TRMO: variants seen among roughly 807,000 people sequenced by gnomAD.
TRMO encodes the protein tRNA methyltransferase O.
In TRMO, 30 loss-of-function variants were observed where a neutral mutation model predicts 37.2. The observed-to-expected ratio is 0.81, with a 90% CI of 0.60 to 1.09. The LOEUF (loss-of-function observed/expected upper bound fraction) is 1.09. Among genes scored for constraint, TRMO ranks in the 50% least tolerant of loss-of-function variants. TRMO has a pLI of 0.00. For missense variants in TRMO, 552 were observed against 549.5 expected (o/e 1.00, Z -0.05); for synonymous variants, 239 against 199.4 (o/e 1.20, Z -1.67).
At chr9:97,913,987 G>A (rs1564110698) in intron 2 of TRMO, 1 of 154,272 alleles carries the variant, frequency 6.5e-6, no homozygotes, top group Non-Finnish European at 1.4e-5. Flanking sequence ...ACCTTTACCA[G>A]ACCTTCCTTT....
rs556702918 is a variant in TRMO, at chr9:97,908,183, C to T, written c.1066+1777G>A. On this transcript the variant is annotated intron_variant, in intron 4 of 4. Transcript: ENST00000375119. ...ATCTGGACACTTTGGGAGGCCAAGGCGGGGGAATCACAAGGTCAGGAGATC... is the reference window on the plus strand; with the variant it reads ...ATCTGGACACTTTGGGAGGCCAAGGTGGGGGAATCACAAGGTCAGGAGATC... Among the ~76,000 whole-genome samples, 10 of 152,146 alleles carry T rather than the reference C, an allele frequency of 6.6e-5. No individual in the cohort carries two copies. The East Asian group carries it at 1.7e-3, about 27-fold the overall frequency.
At chr9:97,917,075 GC>G (rs1381968668) in intron 1 of TRMO, among the ~76,000 whole-genome samples, 1 of 152,118 alleles carries the variant, frequency 6.6e-6, no homozygotes, top group Non-Finnish European at 1.5e-5. Flanking sequence ...ATAGGCGTGA[GC>G]CATAGTGCTT....
At position 97,910,198 on chromosome 9, in the gene TRMO, T is replaced by C; in HGVS notation, c.828A>G (p.Pro276=). Reference sequence around the variant, plus strand: ...TACCTTTCTCTGAAAAGCTCTTCTCTGGGCAATATGGGCCAATTTGTTCTT... The same window carrying C: ...TACCTTTCTCTGAAAAGCTCTTCTCCGGGCAATATGGGCCAATTTGTTCTT... ...VAEEQIGPYC[P]EKSFSEKGTD... The change falls in exon 4 of 5, where the codon CCA becomes CCG. Residue 276 remains proline (P), a synonymous_variant. Transcript: ENST00000375119. 1.9e-6 allele frequency: 3 copies of C among 1,614,238 alleles called. No individual in the cohort carries two copies. Among genetic ancestry groups the C allele is most frequent in the South Asian group, 2.2e-5 (2 of 91,080 alleles).
At chr9:97,898,318 A>T in the TRMO span, among the ~76,000 whole-genome samples, 1 of 152,138 alleles carries the variant, frequency 6.6e-6, no homozygotes. Context: ...TTTATGACTT[A>T]CCTAGATCAG....
chr9:97,911,484 CT>C (rs1826123156), intron 3 of TRMO: 1 of 152,384 alleles, frequency 6.6e-6, no homozygotes, highest in South Asian at 2.1e-4. Flanking sequence ...ATGGTCAAGC[CT>C]CCAGATAAGA....
intron 1 of TRMO, among the ~76,000 whole-genome samples, chr9:97,918,249 G>A (rs1382086769): frequency 6.6e-6 from 1 of 150,926 alleles, no homozygotes; most frequent in Non-Finnish European, 1.5e-5. Context: ...TAATTAGCCA[G>A]GCATGGTGGT....
intron 2 of TRMO, among the ~76,000 whole-genome samples, chr9:97,915,198 C>T (rs781143069): frequency 8.5e-5 from 13 of 152,264 alleles, no homozygotes; most frequent in Non-Finnish European, 1.6e-4. Flanking sequence ...ACAAACAATG[C>T]TAGTATAACA....
chr9:97,920,737 CCTGTA>C (rs1826587513), intron 1 of TRMO, among the ~76,000 whole-genome samples: 1 of 152,196 alleles, frequency 6.6e-6, no homozygotes, highest in Non-Finnish European at 1.5e-5. Flanking sequence ...TTCATTTCCA[CCTGTA>C]CTATTAAATT....
At chr9:97,908,203 G>C (rs1825942187) in intron 4 of TRMO, among the ~76,000 whole-genome samples, 1 of 152,126 alleles carries the variant, frequency 6.6e-6, no homozygotes, top group African/African-American at 2.4e-5. Flanking sequence ...ACAAGGTCAG[G>C]AGATCGAGAC....
the TRMO span, among the ~76,000 whole-genome samples, chr9:97,899,448 AT>A: frequency 6.6e-6 from 1 of 151,296 alleles, no homozygotes; most frequent in African/African-American, 2.4e-5. Context: ...TTATTTATTT[AT>A]TTATTTTGAG....
At position 97,918,495 on chromosome 9, in the gene TRMO, GAATT is replaced by G. The variant is rs771324515; in HGVS notation, c.77-2161_77-2158del. On this transcript the variant is annotated intron_variant, in intron 1 of 4. Coordinates refer to ENST00000375119, the MANE Select transcript of TRMO (RefSeq NM_016481.5). Reference sequence around the variant, plus strand: ...CCAAGGTTTCCATGGCTACCACTTTGAATTTATTGATAACTTTTTTATTATTCTC... The same window carrying G: ...CCAAGGTTTCCATGGCTACCACTTTGTATTGATAACTTTTTTATTATTCTC... 1.2e-3 allele frequency among the ~76,000 whole-genome samples: 187 copies of G among 151,926 alleles called. 1 individual carries two copies. The highest frequency in any genetic ancestry group is 6.9e-3 in the Middle Eastern group (2 of 290).
chr9:97,899,617 G>A (rs924744204), downstream of TRMO, among the ~76,000 whole-genome samples: 4 of 152,196 alleles, frequency 2.6e-5, no homozygotes, highest in African/African-American at 9.6e-5. Flanking sequence ...CAGGCACGGT[G>A]GCTCACGCCT....
the TRMO span, among the ~76,000 whole-genome samples, chr9:97,898,989 G>A: frequency 1.3e-5 from 2 of 151,592 alleles, no homozygotes; most frequent in East Asian, 3.9e-4. Flanking sequence ...ACAGGCGCCT[G>A]TCACCACACC....
intron 1 of TRMO, among the ~76,000 whole-genome samples, chr9:97,920,387 T>G (rs1356092355): frequency 6.6e-6 from 1 of 152,130 alleles, no homozygotes; most frequent in African/African-American, 2.4e-5. Context: ...GGTTTCAGAA[T>G]GGAGAAAGGA....
chr9:97,901,983 CATGTT>C (rs1289574812), downstream of TRMO, among the ~76,000 whole-genome samples: 1 of 152,130 alleles, frequency 6.6e-6, no homozygotes, highest in Non-Finnish European at 1.5e-5. Context: ...GGCTTGAGAT[CATGTT>C]ATGAGAAACA....
chr9:97,900,590 G>C (rs1455686142), downstream of TRMO: 3 of 156,132 alleles, frequency 1.9e-5, no homozygotes, highest in African/African-American at 7.2e-5. Flanking sequence ...GCCAGGCTGA[G>C]AAGGAAGAGG....
At chr9:97,911,735 C>T (rs1826134285) in intron 3 of TRMO, 1 of 152,098 alleles carries the variant, frequency 6.6e-6, no homozygotes, top group Non-Finnish European at 1.5e-5. Flanking sequence ...ATACTAAAGA[C>T]AAGTCTCCAG....
intron 3 of TRMO, 35 bp from the exon 4 acceptor site, chr9:97,910,651 G>A (rs747230242): frequency 1.9e-6 from 3 of 1,601,620 alleles, no homozygotes; most frequent in South Asian, 1.1e-5. Flanking sequence ...GAAGAACAGT[G>A]CAAACACTTG....
chr9:97,913,015 T>C (rs1035458629), intron 3 of TRMO: 4 of 900,902 alleles, frequency 4.4e-6, no homozygotes, highest in Non-Finnish European at 4.8e-6. Flanking sequence ...CTATGTGTTT[T>C]CCATATGTGC....
Sources: gnomAD v4.1 joint callset for allele counts (sites outside exome capture counted in the v4.1 genomes callset) on GRCh38, gnomAD v4.1.1 for gene constraint, MANE v1.5 for transcripts, NCBI Gene and HGNC (gene_info 2026-07-23, HGNC 2026-07-21) for gene names.